Variants in TNIK observed in about 807,000 individuals in gnomAD.
The protein encoded by TNIK is TRAF2 and NCK interacting kinase, also known as TRAF2 and NCK-interacting protein kinase.
Under a neutral mutation model 191.3 loss-of-function variants are expected in TNIK, and 49 were observed. That is an observed-to-expected ratio of 0.26 (90% CI 0.20 to 0.32). TNIK has a LOEUF of 0.32. Among genes scored for constraint, TNIK ranks in the 10% least tolerant of loss-of-function variants. The pLI is 1.00. For synonymous variants in TNIK, 594 were observed against 600.9 expected (o/e 0.99, Z 0.17); for missense variants, 1,155 against 1,702.3 (o/e 0.68, Z 5.66).
At chr3:171,438,493 G>A (rs1015408588) in intron 1 of TNIK, among the ~76,000 whole-genome samples, 1 of 152,160 alleles carries the variant, frequency 6.6e-6, no homozygotes, top group East Asian at 1.9e-4. Context: ...GGTGAATTAC[G>A]TGTTAGGCAC....
intron 2 of TNIK, among the ~76,000 whole-genome samples, chr3:171,257,380 C>CT (rs1747011349): frequency 6.6e-6 from 1 of 152,218 alleles, no homozygotes; most frequent in South Asian, 2.1e-4. Flanking sequence ...GACCCTGACA[C>CT]TTTAACCACT....
chr3:171,125,817 A>G (rs1043885111), intron 17 of TNIK, 95 bp downstream of exon 17: 3 of 1,531,150 alleles, frequency 2.0e-6, no homozygotes, highest in Non-Finnish European at 2.7e-6. Flanking sequence ...CTTTGGCATG[A>G]TCACATTCTC....
chr3:171,388,670 C>T (rs1719058032), intron 1 of TNIK, among the ~76,000 whole-genome samples: 1 of 152,154 alleles, frequency 6.6e-6, no homozygotes, highest in Non-Finnish European at 1.5e-5. Context: ...TTAGTCTGTT[C>T]ACAAACAACT....
intron 5 of TNIK, among the ~76,000 whole-genome samples, chr3:171,194,299 T>C (rs1738397452): frequency 6.6e-6 from 1 of 152,104 alleles, no homozygotes; most frequent in Non-Finnish European, 1.5e-5. Flanking sequence ...TAAATGAAAA[T>C]ATGCTCATGG....
At chr3:171,121,426 A>C (rs1171690535) in intron 18 of TNIK, among the ~76,000 whole-genome samples, 1 of 152,220 alleles carries the variant, frequency 6.6e-6, no homozygotes, top group African/African-American at 2.4e-5. Flanking sequence ...ATGGGTTATC[A>C]GCAAAGATGA....
chr3:171,105,823 T>C (rs1410214871), intron 21 of TNIK, among the ~76,000 whole-genome samples: 2 of 152,220 alleles, frequency 1.3e-5, no homozygotes, highest in East Asian at 1.9e-4. Context: ...AGCCATTTTA[T>C]TGGCAACTGT....
chr3:171,271,012 G>A (rs1480863348), intron 2 of TNIK, among the ~76,000 whole-genome samples: 1 of 152,150 alleles, frequency 6.6e-6, no homozygotes, highest in East Asian at 1.9e-4. Context: ...CTGCTAAGCT[G>A]AATTCAGGGA....
chr3:171,433,937 CTTTTTTTTTTTTTTTT>C (rs67036993), intron 1 of TNIK, among the ~76,000 whole-genome samples: 1 of 71,114 alleles, frequency 1.4e-5, no homozygotes, highest in East Asian at 4.7e-4. Context: ...TTTCTTTTTC[CTTTTTTTTTTTTTTTT>C]TTTTTTTTTT....
At chr3:171,444,727 C>T (rs1001580349) in intron 1 of TNIK, among the ~76,000 whole-genome samples, 1 of 152,114 alleles carries the variant, frequency 6.6e-6, no homozygotes, top group Non-Finnish European at 1.5e-5. Context: ...ATTTTAACTT[C>T]CATACTCCTA....
intron 3 of TNIK, among the ~76,000 whole-genome samples, chr3:171,222,856 T>G (rs1420885683): frequency 6.6e-6 from 1 of 152,146 alleles, no homozygotes; most frequent in Non-Finnish European, 1.5e-5. Flanking sequence ...AACTTCTGGC[T>G]CTTGCATTGG....
chr3:171,233,394 G>T (rs150054978), intron 2 of TNIK, among the ~76,000 whole-genome samples: 41 of 152,192 alleles, frequency 2.7e-4, no homozygotes, highest in African/African-American at 9.6e-4. Context: ...TGTAGTAATG[G>T]CAGCTGTTGT....
intron 2 of TNIK, among the ~76,000 whole-genome samples, chr3:171,268,145 G>A (rs1748621928): frequency 6.6e-6 from 1 of 152,156 alleles, no homozygotes; most frequent in Non-Finnish European, 1.5e-5. Flanking sequence ...ATGCTTCCCA[G>A]TGATACAGTC....
intron 26 of TNIK, 110 bp from the exon 27 acceptor site, chr3:171,082,504 G>A: frequency 1.6e-6 from 2 of 1,227,112 alleles, no homozygotes; most frequent in Non-Finnish European, 2.2e-6. Context: ...TACACTAATG[G>A]GCAAGTAGGT....
intron 2 of TNIK, among the ~76,000 whole-genome samples, chr3:171,324,548 G>T (rs1021319112): frequency 6.6e-6 from 1 of 152,078 alleles, no homozygotes; most frequent in East Asian, 1.9e-4. Context: ...GCTGGCGAGG[G>T]TCAGGTGTTC....
At chr3:171,294,989 A>C (rs1172051148) in intron 2 of TNIK, among the ~76,000 whole-genome samples, 1 of 148,280 alleles carries the variant, frequency 6.7e-6, no homozygotes, top group South Asian at 2.2e-4. Context: ...ATCACTTTGA[A>C]TAGGTCTGGC....
chr3:171,185,228 G>A (rs1467078790), intron 7 of TNIK, among the ~76,000 whole-genome samples: 1 of 145,476 alleles, frequency 6.9e-6, no homozygotes, highest in Non-Finnish European at 1.5e-5. Flanking sequence ...TATGGGGTGG[G>A]AGGGGTGAAT....
intron 4 of TNIK, among the ~76,000 whole-genome samples, chr3:171,204,722 G>A (rs1205190320): frequency 2.0e-5 from 3 of 152,170 alleles, no homozygotes; most frequent in Non-Finnish European, 4.4e-5. Context: ...GTAAATAGAG[G>A]AGTACAGATT....
intron 11 of TNIK, among the ~76,000 whole-genome samples, chr3:171,160,750 A>G (rs922596087): frequency 7.2e-5 from 11 of 152,148 alleles, no homozygotes; most frequent in South Asian, 2.1e-4. Flanking sequence ...GAATGGCCCA[A>G]AAGTATTTGT....
intron 4 of TNIK, among the ~76,000 whole-genome samples, chr3:171,200,547 A>T (rs1480202060): frequency 6.6e-6 from 1 of 151,948 alleles, no homozygotes; most frequent in African/African-American, 2.4e-5. Flanking sequence ...GGGGTTACTT[A>T]GTATGCCTTC....
Sources: allele counts gnomAD v4.1 joint callset (sites outside exome capture counted in the v4.1 genomes callset), GRCh38; gene constraint gnomAD v4.1.1; transcripts MANE v1.5; gene names NCBI Gene and HGNC (gene_info 2026-07-23, HGNC 2026-07-21).